The following GALNT17 variants were observed in gnomAD, a reference collection of about 807,000 sequenced individuals.
GALNT17 encodes polypeptide N-acetylgalactosaminyltransferase 17.
Under a neutral mutation model 63.7 loss-of-function variants are expected in GALNT17, and 29 were observed. That is an observed-to-expected ratio of 0.46 (90% confidence interval 0.34 to 0.62). The LOEUF (loss-of-function observed/expected upper bound fraction) is 0.62, where lower values mean the gene tolerates loss of function less well. Among genes scored for constraint, GALNT17 ranks in the 20% least tolerant of loss-of-function variants. GALNT17 has a pLI of 0.01. For missense variants in GALNT17, 603 were observed against 799.6 expected, an observed-to-expected ratio of 0.75 and a Z score of 2.97; for synonymous variants, 305 against 318.3, an observed-to-expected ratio of 0.96 and a Z score of 0.45.
At chr7:71,264,851 G>A (rs76856281) in intron 1 of GALNT17, among the ~76,000 whole-genome samples, 2,792 of 151,822 alleles carry the variant, frequency 0.018, 104 homozygotes, top group African/African-American at 0.063. Flanking sequence ...GGTAGGGTTC[G>A]TAGAGAGGTT....
At chr7:71,193,355 C>T (rs1788987905) in intron 1 of GALNT17, among the ~76,000 whole-genome samples, 1 of 152,078 alleles carries the variant, frequency 6.6e-6, no homozygotes, top group Non-Finnish European at 1.5e-5. Context: ...CTGCCTTGGC[C>T]TCCCAAAGTG....
In GALNT17 at chr7:71,287,585, A is replaced by G. The variant is rs191249432; in HGVS notation, c.239-47965A>G. Among the ~76,000 whole-genome samples the G allele has an allele frequency of 1.9e-3, 285 of 152,280 alleles. 2 individuals carry two copies. Among genetic ancestry groups the G allele is most frequent in the Non-Finnish European group, 4.3e-4 (29 of 68,028 alleles). ...TTAGAGGCACTGACCTTATAGTCAG[A>G]CTGCGTGCAACTTCTGACTCCTCCA... On this transcript the variant is annotated intron_variant, in intron 1 of 10. Coordinates refer to ENST00000333538, the MANE Select transcript of GALNT17 (RefSeq NM_022479.3).
chr7:71,390,826 G>A (rs145129359), intron 3 of GALNT17, among the ~76,000 whole-genome samples: 3 of 152,324 alleles, frequency 2.0e-5, no homozygotes, highest in South Asian at 2.1e-4. Context: ...AAGTAAGACT[G>A]TGAAGGGAAG....
intron 2 of GALNT17, among the ~76,000 whole-genome samples, chr7:71,385,119 T>G (rs1028150125): frequency 6.6e-6 from 1 of 152,078 alleles, no homozygotes; most frequent in South Asian, 2.1e-4. Flanking sequence ...ATCACTGCAC[T>G]TGGGAGCTAG....
chr7:71,579,730 T>C (rs1789602290), intron 6 of GALNT17, among the ~76,000 whole-genome samples: 1 of 152,176 alleles, frequency 6.6e-6, no homozygotes, highest in Non-Finnish European at 1.5e-5. Context: ...GAAAACCTCT[T>C]AGATGCAGCG....
chr7:71,191,610 T>C (rs1373036896), intron 1 of GALNT17, among the ~76,000 whole-genome samples: 2 of 152,242 alleles, frequency 1.3e-5, no homozygotes, highest in Non-Finnish European at 2.9e-5. Context: ...ATCAGGAGTT[T>C]CGTTGCTTTT....
At chr7:71,501,518 A>G (rs1788180122) in intron 5 of GALNT17, among the ~76,000 whole-genome samples, 1 of 152,160 alleles carries the variant, frequency 6.6e-6, no homozygotes. Flanking sequence ...TCCTCCGGCC[A>G]TAACCTTCCA....
intron 9 of GALNT17, among the ~76,000 whole-genome samples, chr7:71,686,365 C>T (rs1367135580): frequency 6.6e-6 from 1 of 151,716 alleles, no homozygotes; most frequent in Non-Finnish European, 1.5e-5. Flanking sequence ...GAACCTCTGC[C>T]CACATATACT....
chr7:71,642,056 C>T (rs924521478), intron 6 of GALNT17, among the ~76,000 whole-genome samples: 1 of 152,188 alleles, frequency 6.6e-6, no homozygotes, highest in Non-Finnish European at 1.5e-5. Flanking sequence ...GCTGTCCCCC[C>T]ACTATGGGAC....
chr7:71,412,096 G>A (rs1284948887), intron 3 of GALNT17, among the ~76,000 whole-genome samples: 2 of 152,230 alleles, frequency 1.3e-5, no homozygotes, highest in East Asian at 3.9e-4. Context: ...CTTGAGTATG[G>A]CTTCTCCAGC....
intron 1 of GALNT17, among the ~76,000 whole-genome samples, chr7:71,205,446 C>T (rs1789254922): frequency 1.3e-5 from 2 of 152,044 alleles, no homozygotes; most frequent in Non-Finnish European, 2.9e-5. Flanking sequence ...GCCACCGTGC[C>T]CGGCCACTTT....
chr7:71,257,915 A>G (rs947582041), intron 1 of GALNT17, among the ~76,000 whole-genome samples: 3 of 151,992 alleles, frequency 2.0e-5, no homozygotes, highest in Admixed American at 6.6e-5. Context: ...GGCAGCCTTG[A>G]CTCCTGGAAG....
At chr7:71,701,696 G>A (rs1306221293) in intron 9 of GALNT17, among the ~76,000 whole-genome samples, 1 of 149,804 alleles carries the variant, frequency 6.7e-6, no homozygotes, top group Non-Finnish European at 1.5e-5. Context: ...CGCATCAAGA[G>A]TGGATGGGAT....
At chr7:71,399,719 G>A (rs1262251329) in intron 3 of GALNT17, among the ~76,000 whole-genome samples, 1 of 152,004 alleles carries the variant, frequency 6.6e-6, no homozygotes, top group Non-Finnish European at 1.5e-5. Flanking sequence ...TGTCTTCCAG[G>A]TATGTGGTAA....
At chr7:71,226,894 T>G (rs969983845) in intron 1 of GALNT17, among the ~76,000 whole-genome samples, 3 of 152,092 alleles carry the variant, frequency 2.0e-5, no homozygotes, top group African/African-American at 7.2e-5. Context: ...CTGGGACATT[T>G]GCTTTGCCCT....
chr7:71,489,330 C>T (rs552620167), intron 5 of GALNT17, among the ~76,000 whole-genome samples: 91 of 152,236 alleles, frequency 6.0e-4, no homozygotes, highest in African/African-American at 2.1e-3. Flanking sequence ...ACACCCAGCT[C>T]TTATAGGGGA....
chr7:71,232,372 C>T (rs1246129750), intron 1 of GALNT17, among the ~76,000 whole-genome samples: 3 of 152,088 alleles, frequency 2.0e-5, no homozygotes, highest in Non-Finnish European at 2.9e-5. Flanking sequence ...GGGGGTGGTG[C>T]AGCCTTGCAG....
chr7:71,300,059 T>G (rs1045174265), intron 1 of GALNT17, among the ~76,000 whole-genome samples: 1 of 152,188 alleles, frequency 6.6e-6, no homozygotes, highest in Non-Finnish European at 1.5e-5. Flanking sequence ...ATCAGAGTCG[T>G]AAGCCACTGC....
intron 1 of GALNT17, among the ~76,000 whole-genome samples, chr7:71,146,013 GT>G (rs1242662642): frequency 2.6e-5 from 4 of 151,574 alleles, no homozygotes; most frequent in Middle Eastern, 3.5e-3. Context: ...GCCCGTATGG[GT>G]TTTTTTTTAA....
Sources: gnomAD v4.1 joint callset for allele counts (sites outside exome capture counted in the v4.1 genomes callset) on GRCh38, gnomAD v4.1.1 for gene constraint, MANE v1.5 for transcripts, NCBI Gene and HGNC (gene_info 2026-07-23, HGNC 2026-07-21) for gene names.